ITGAE: variants seen among roughly 807,000 people sequenced by gnomAD.
ITGAE encodes the protein integrin alpha-E.
Under a neutral mutation model 136.5 loss-of-function variants are expected in ITGAE, and 99 were observed. That is an observed-to-expected ratio of 0.73 (90% CI 0.62 to 0.86). The LOEUF (loss-of-function observed/expected upper bound fraction) is 0.86. ITGAE is among the 40% of genes least tolerant of loss of function. The pLI is 0.00. For synonymous variants in ITGAE, 613 were observed against 591.8 expected (o/e 1.04, Z -0.52); for missense variants, 1,447 against 1,515.3 (o/e 0.95, Z 0.75).
At chr17:3,723,881 C>T in intron 26 of ITGAE, 137 bp from the exon 27 acceptor site, 2 of 1,519,966 alleles carry the variant, frequency 1.3e-6, no homozygotes, top group Admixed American at 2.2e-5. Flanking sequence ...GGCGCGTCCG[C>T]GTCGCACGGA....
rs190153103 is a variant in ITGAE at position 3,732,385 on chromosome 17, C to T, written c.2737G>A (p.Val913Ile). 9.8e-5 allele frequency: 158 copies of T among 1,613,884 alleles called. No homozygotes were observed. Among genetic ancestry groups the T allele is most frequent in the African/African-American group, 7.9e-4 (59 of 75,002 alleles). ...CGACTCACAGATGACCTCTTGAGGA[C>T]GGGGTGACCAATCCTGCAGTTCATG... Reference protein sequence around the residue: ...LIMNCRIGHPVLKRSSAHVSV... With the variant: ...LIMNCRIGHPILKRSSAHVSV... The change falls in exon 22 of 31, where the codon GTC (valine) becomes ATC (isoleucine). Residue 913 changes from valine to isoleucine, a missense_variant. By Grantham distance (29) the Val-to-Ile change is conservative (BLOSUM62 3). Transcript: ENST00000263087.
At position 3,755,202 on chromosome 17, in the gene ITGAE, GT is replaced by G; in HGVS notation, c.1298del (p.Tyr433SerfsTer11). 6.3e-7 allele frequency: 1 copy of G among 1,582,560 alleles called. No homozygotes were observed. Among genetic ancestry groups the G allele is most frequent in the South Asian group, 1.1e-5 (1 of 88,144 alleles). ...AFDWSGGALL[Y>X]DTRSRRGRFL... Reference sequence around the variant, plus strand: ...AGCGGCCCCGGCGGCTGCGTGTGTCGTAGAGCAACGCCCCTCCGGACCAGTC... The same window carrying G: ...AGCGGCCCCGGCGGCTGCGTGTGTCGAGAGCAACGCCCCTCCGGACCAGTC... On this transcript the variant is annotated frameshift_variant, in exon 12 of 31. Coordinates refer to ENST00000263087, the MANE Select transcript of ITGAE (RefSeq NM_002208.5). LOFTEE classifies it high-confidence loss of function.
At chr17:3,783,528 T>A (rs1243805286) in intron 1 of ITGAE, among the ~76,000 whole-genome samples, 1 of 152,266 alleles carries the variant, frequency 6.6e-6, no homozygotes, top group Admixed American at 6.5e-5. Flanking sequence ...TGTATTTTTA[T>A]ATTCAAAGTA....
At position 3,714,811 on chromosome 17, in the gene ITGAE, G is replaced by C; in HGVS notation, c.*36C>G. Reference sequence around the variant, plus strand: ...AGGATGCTGGGTCTCCAAGTCCCAGGACTGGCTGATAGCCTCTCCCAGTGG... The same window carrying C: ...AGGATGCTGGGTCTCCAAGTCCCAGCACTGGCTGATAGCCTCTCCCAGTGG... On this transcript the variant is annotated 3_prime_UTR_variant, in exon 31 of 31. Transcript: ENST00000263087. 1.6e-6 allele frequency: 2 copies of C among 1,229,192 alleles called. No individual in the cohort carries two copies. The allele number at this position is 1,229,192 out of a possible 1,614,324, so 76.1% of individuals were successfully genotyped here.
intron 28 of ITGAE, 86 bp from the exon 29 acceptor site, chr17:3,720,488 C>A: frequency 1.5e-6 from 1 of 682,910 alleles, no homozygotes; most frequent in East Asian, 2.7e-5. Context: ...CCACCTTTCC[C>A]TTTAAAGGTA....
At chr17:3,733,471 G>C (rs1038050191) in intron 21 of ITGAE, among the ~76,000 whole-genome samples, 1 of 151,930 alleles carries the variant, frequency 6.6e-6, no homozygotes, top group East Asian at 1.9e-4. Flanking sequence ...GCCCAGGCTG[G>C]AGTGCAGTGG....
chr17:3,735,279 C>T (rs1597314334), intron 20 of ITGAE, among the ~76,000 whole-genome samples: 1 of 152,154 alleles, frequency 6.6e-6, no homozygotes, highest in South Asian at 2.1e-4. Context: ...GCAATTCTCC[C>T]GTCTCAGCCT....
At position 3,793,106 on chromosome 17, in the gene ITGAE, CA is replaced by C. The variant is rs150209676; in HGVS notation, c.34+8004del. On this transcript the variant is annotated intron_variant, in intron 1 of 30. Transcript: ENST00000263087. ...TCACTCTGTCGCCCAGGCTGGAATG[CA>C]GTGGCACAACTTTCGTCTCACTGCA... 5.6e-3 allele frequency among the ~76,000 whole-genome samples: 857 copies of C among 152,058 alleles called. 8 individuals are homozygous for C. Among genetic ancestry groups the C allele is most frequent in the African/African-American group, 0.02 (811 of 41,464 alleles).
chr17:3,752,332 G>A (rs533365139), intron 14 of ITGAE, among the ~76,000 whole-genome samples: 1 of 152,176 alleles, frequency 6.6e-6, no homozygotes, highest in South Asian at 2.1e-4. Context: ...AGCAAGTCTC[G>A]GCATCACTGA....
Position 3,753,719 on chromosome 17 carries a change from T to C in ITGAE, c.1527+64A>G, listed in dbSNP as rs574933565. The stretch of plus-strand genomic sequence containing the variant: ...ACTGTGCACCGTGGGACCCACTCCT[T>C]TCCCTTGGGGGCCTCCAGATTCCCC... On this transcript the variant is annotated intron_variant, in intron 13 of 30. Transcript: ENST00000263087. 7.5e-4 allele frequency: 1,199 copies of C among 1,592,666 alleles called. 11 individuals are homozygous for C. The African/African-American group carries it at 0.013, about 17-fold the overall frequency.
At position 3,731,196 on chromosome 17, in the gene ITGAE, G is replaced by C; in HGVS notation, c.2755-13C>G. The C allele has an allele frequency of 6.2e-7, 1 of 1,608,524 alleles. No individual in the cohort carries two copies. Among genetic ancestry groups the C allele is most frequent in the Admixed American group, 1.7e-5 (1 of 59,964 alleles). On this transcript the variant is annotated splice_polypyrimidine_tract_variant and intron_variant, in intron 22 of 30. Transcript: ENST00000263087. ...CTGAAACATGAGCCTATTTTAAAGG[G>C]GGAAAAATGGTCAGTTGATTCTCTC...
intron 6 of ITGAE, 97 bp from the exon 7 acceptor site, chr17:3,760,384 C>T (rs1328450588): frequency 1.2e-5 from 6 of 506,710 alleles, no homozygotes; most frequent in Middle Eastern, 5.6e-4. Flanking sequence ...GCCCTGACAA[C>T]CAGCTCAGTT....
In ITGAE at chr17:3,714,777, G is replaced by T; in HGVS notation, c.*70C>A. ...GCTCTAGATCATCCTGAAGGAAAAA[G>T]TAATGCAAAGGATGCTGGGTCTCCA... On this transcript the variant is annotated 3_prime_UTR_variant, in exon 31 of 31. Coordinates refer to ENST00000263087, the MANE Select transcript of ITGAE (RefSeq NM_002208.5). 2.4e-6 allele frequency: 2 copies of T among 848,616 alleles called. No individual in the cohort carries two copies. The highest frequency in any genetic ancestry group is 2.9e-5 in the South Asian group (2 of 69,154). 52.6% of individuals were successfully genotyped at this position (848,616 alleles called of 1,614,324 possible). A position where few individuals can be genotyped will look rare whatever the true frequency, so the allele number is the denominator to read the frequency against.
intron 1 of ITGAE, chr17:3,784,378 C>A: frequency 3.3e-6 from 1 of 298,934 alleles, no homozygotes; most frequent in South Asian, 2.7e-5. Flanking sequence ...ACTCTGTACC[C>A]AACAATGGAA....
At chr17:3,744,334 G>A (rs748713295) in intron 18 of ITGAE, among the ~76,000 whole-genome samples, 7 of 152,018 alleles carry the variant, frequency 4.6e-5, no homozygotes, top group African/African-American at 9.7e-5. Context: ...ATTCTACTAC[G>A]GTTTTGTGTC....
chr17:3,758,232 A>G (rs987707910), intron 8 of ITGAE, among the ~76,000 whole-genome samples: 1 of 152,136 alleles, frequency 6.6e-6, no homozygotes, highest in Non-Finnish European at 1.5e-5. Context: ...AAAATCTATC[A>G]GGCAAGTGCT....
At chr17:3,773,845 C>T (rs897441210) in intron 2 of ITGAE, among the ~76,000 whole-genome samples, 3 of 152,090 alleles carry the variant, frequency 2.0e-5, no homozygotes, top group Admixed American at 6.5e-5. Context: ...GCTGCCGGTC[C>T]CCCGTCAACT....
chr17:3,746,186 G>A (rs896178338), intron 17 of ITGAE, among the ~76,000 whole-genome samples: 2 of 152,204 alleles, frequency 1.3e-5, no homozygotes, highest in African/African-American at 4.8e-5. Flanking sequence ...CTTCTTTAGG[G>A]AAGGAGGGCT....
chr17:3,757,071 C>T lies in ITGAE; in HGVS notation c.1084G>A (p.Asp362Asn). ...RELNLIASDP[D>N]ETHAFKVTNY... ...GTCACCTTGAAAGCATGGGTCTCAT[C>T]CGGGTCTGAGGCGATCAGGTTCAGT... The change falls in exon 10 of 31, where the codon GAT (aspartate) becomes AAT (asparagine). Residue 362 changes from aspartate (D) to asparagine (N), a missense_variant. Coordinates refer to ENST00000263087, the MANE Select transcript of ITGAE (RefSeq NM_002208.5). 6.2e-7 allele frequency: 1 copy of T among 1,614,182 alleles called. No homozygotes were observed. Among genetic ancestry groups the T allele is most frequent in the South Asian group, 1.1e-5 (1 of 91,086 alleles).
Sources: gnomAD v4.1 joint callset for allele counts (sites outside exome capture counted in the v4.1 genomes callset) on GRCh38, gnomAD v4.1.1 for gene constraint, MANE v1.5 for transcripts, NCBI Gene and HGNC (gene_info 2026-07-23, HGNC 2026-07-21) for gene names.